Variants in BAG2 observed in about 807,000 individuals in gnomAD.
BAG2 encodes the protein BAG cochaperone 2, also known as BAG family molecular chaperone regulator 2.
BAG2 carries 8 observed loss-of-function variants against 16.4 expected under a neutral mutation model. That is an observed-to-expected ratio of 0.49 (90% CI 0.29 to 0.88). The LOEUF (loss-of-function observed/expected upper bound fraction) is 0.88, where lower values mean the gene tolerates loss of function less well. Ranked by LOEUF, BAG2 falls within the 40% of genes least tolerant of loss-of-function variation. The pLI is 0.09. For missense variants in BAG2, 218 were observed against 248.9 expected (o/e 0.88, Z 0.84); for synonymous variants, 82 against 89.2 (o/e 0.92, Z 0.46).
chr6:57,172,823 C>A lies in BAG2; in HGVS notation c.113+13C>A. On this transcript the variant is annotated intron_variant, in intron 1 of 2. Transcript: ENST00000370693. ...AGCTGGAGCTCAGGTGAGCTCCGGG[C>A]GGGCGGTCTCGGGCGTTCTGCTCGC... 1 of 1,477,692 alleles carries A rather than the reference C, an allele frequency of 6.8e-7. No homozygotes were observed. The highest frequency in any genetic ancestry group is 9.0e-7 in the Non-Finnish European group (1 of 1,111,612). The allele number at this position is 1,477,692 out of a possible 1,614,324, so 91.5% of individuals were successfully genotyped here. A position where few individuals can be genotyped will look rare whatever the true frequency, so the allele number is the denominator to read the frequency against.
Position 57,183,649 on chromosome 6 carries a change from T to C in BAG2, c.224-129T>C, listed in dbSNP as rs941498545. ...ATACATTTCATCAGTTAATCTTACA[T>C]GCTATAGTTTCAGCTTTTATCTCTA... On this transcript the variant is annotated intron_variant, in intron 2 of 2. Transcript: ENST00000370693. 1.1e-5 allele frequency: 8 copies of C among 710,314 alleles called. No individual in the cohort carries two copies. The East Asian group carries it at 2.2e-4, about 20-fold the overall frequency. 44.0% of individuals were successfully genotyped at this position (710,314 alleles called of 1,614,324 possible). A position where few individuals can be genotyped will look rare whatever the true frequency, so the allele number is the denominator to read the frequency against.
At chr6:57,173,474 C>T (rs1764189207) in intron 1 of BAG2, 10 of 985,340 alleles carry the variant, frequency 1.0e-5, no homozygotes, top group Non-Finnish European at 1.2e-5. Flanking sequence ...ATTTATTGGG[C>T]ACCTCCCTAC....
rs1764463867 is a variant in BAG2, at chr6:57,182,036, G to A, written c.118G>A (p.Glu40Lys). The A allele has an allele frequency of 6.2e-7, 1 of 1,613,778 alleles. No individual in the cohort carries two copies. Among genetic ancestry groups the A allele is most frequent in the Admixed American group, 1.7e-5 (1 of 59,996 alleles). Reference protein sequence around the residue: ...ESLDQLELRVEALREAATAVE... With the variant: ...ESLDQLELRVKALREAATAVE... ...TTGTTTTCCCAATTTCTATAGGGTT[G>A]AAGCTTTGAGAGAAGCAGCAACTGC... The change falls in exon 2 of 3, where the codon GAA (glutamate) becomes AAA (lysine). Residue 40 changes from glutamate (E) to lysine (K), a missense_variant. Transcript: ENST00000370693.
At chr6:57,182,530 CAAAA>C (rs758049333) in intron 2 of BAG2, among the ~76,000 whole-genome samples, 3 of 41,604 alleles carry the variant, frequency 7.2e-5, no homozygotes, top group South Asian at 7.7e-4. Flanking sequence ...AAGTAGAGAC[CAAAA>C]AAAAAAAAAA....
chr6:57,184,300 T>C lies in BAG2; in HGVS notation c.*110T>C, dbSNP rs1161448342. ...GGTATAACCACTTAGTTGACACTGA[T>C]AGTTGTTTCAGATGAGGAAAATATT... On this transcript the variant is annotated 3_prime_UTR_variant, in exon 3 of 3. Coordinates refer to ENST00000370693, the MANE Select transcript of BAG2 (RefSeq NM_004282.4). The C allele has an allele frequency of 4.7e-6, 5 of 1,053,450 alleles. No individual in the cohort carries two copies. Among genetic ancestry groups the C allele is most frequent in the Non-Finnish European group, 6.3e-6 (5 of 799,054 alleles). The allele number at this position is 1,053,450 out of a possible 1,614,324, so 65.3% of individuals were successfully genotyped here. A position where few individuals can be genotyped will look rare whatever the true frequency, so the allele number is the denominator to read the frequency against.
chr6:57,178,145 G>A (rs1764337962), intron 1 of BAG2, among the ~76,000 whole-genome samples: 1 of 152,198 alleles, frequency 6.6e-6, no homozygotes, highest in Non-Finnish European at 1.5e-5. Context: ...GTTGCCAGAT[G>A]AGATATTAAG....
chr6:57,172,884 G>A, intron 1 of BAG2, 74 bp downstream of exon 1: 1 of 1,263,020 alleles, frequency 7.9e-7, no homozygotes, highest in Non-Finnish European at 1.0e-6. Flanking sequence ...GCGGACGGAG[G>A]CCGCGTGTGG....
rs990864584 is a variant in BAG2, at chr6:57,173,532, T to C, written c.113+722T>C. On this transcript the variant is annotated intron_variant, in intron 1 of 2. Coordinates refer to ENST00000370693, the MANE Select transcript of BAG2 (RefSeq NM_004282.4). ...CTGGCCTGAAAGCATGAAAAGATAG[T>C]TTTCCCCTTTTCTTGCTTAAGAATT... The C allele has an allele frequency of 3.4e-5, 33 of 965,658 alleles. No homozygotes were observed. In the Admixed American group the frequency reaches 2.0e-3, roughly 59 times the overall value. The allele number at this position is 965,658 out of a possible 1,614,324, so 59.8% of individuals were successfully genotyped here.
Position 57,188,360 on chromosome 6 carries a change from T to C in BAG2, c.*4170T>C, listed in dbSNP as rs996073996. 1 of 152,098 alleles carries C rather than the reference T, an allele frequency of 6.6e-6. No homozygotes were observed. The highest frequency in any genetic ancestry group is 1.5e-5 in the Non-Finnish European group (1 of 67,990). The allele number at this position is 152,098 out of a possible 1,614,324, so 9.4% of individuals were successfully genotyped here. ...AACAAAGCTCTCTCTTCAGTTCTTA[T>C]TTAAAAAAAGATAAAACTAGGTACA... On this transcript the variant is annotated 3_prime_UTR_variant, in exon 3 of 3. Transcript: ENST00000370693.
In BAG2 at chr6:57,184,215, C is replaced by T. The variant is rs1764556392; in HGVS notation, c.*25C>T. ...GTCTTCAAACCTAAGAGCATTTACA[C>T]AATACACAAGGTGTAAAAATGATAA... On this transcript the variant is annotated 3_prime_UTR_variant, in exon 3 of 3. Coordinates refer to ENST00000370693, the MANE Select transcript of BAG2 (RefSeq NM_004282.4). 1.3e-6 allele frequency: 2 copies of T among 1,511,274 alleles called. No homozygotes were observed. The highest frequency in any genetic ancestry group is 2.4e-5 in the Admixed American group (1 of 40,966). The allele number at this position is 1,511,274 out of a possible 1,614,324, so 93.6% of individuals were successfully genotyped here. A position where few individuals can be genotyped will look rare whatever the true frequency, so the allele number is the denominator to read the frequency against.
In BAG2 at chr6:57,188,794, A is replaced by AT. The variant is rs1002265002; in HGVS notation, c.*4612dup. 1.8e-4 allele frequency: 28 copies of AT among 152,080 alleles called. No individual in the cohort carries two copies. The highest frequency in any genetic ancestry group is 6.5e-4 in the African/African-American group (27 of 41,406). The allele number at this position is 152,080 out of a possible 1,614,324, so 9.4% of individuals were successfully genotyped here. On this transcript the variant is annotated 3_prime_UTR_variant, in exon 3 of 3. Transcript: ENST00000370693. ...ATGAAAAGCAAAAATTTACTTTTTA[A>AT]TTTTTTTTATTTTTCCATCTAAAAT...
In BAG2 at chr6:57,173,097, G is replaced by C. The variant is rs906990081; in HGVS notation, c.113+287G>C. The C allele has an allele frequency of 3.9e-6, 4 of 1,035,920 alleles. No homozygotes were observed. The African/African-American group carries it at 6.7e-5, about 17-fold the overall frequency. 64.2% of individuals were successfully genotyped at this position (1,035,920 alleles called of 1,614,324 possible). A position where few individuals can be genotyped will look rare whatever the true frequency, so the allele number is the denominator to read the frequency against. ...TAATTTACCTAGGTGTTAGGGAGCG[G>C]AAAAAAATCAGAGGAGATAAAAGTT... On this transcript the variant is annotated intron_variant, in intron 1 of 2. Coordinates refer to ENST00000370693, the MANE Select transcript of BAG2 (RefSeq NM_004282.4).
chr6:57,180,185 A>G (rs1369174242), intron 1 of BAG2, among the ~76,000 whole-genome samples: 1 of 152,222 alleles, frequency 6.6e-6, no homozygotes, highest in Non-Finnish European at 1.5e-5. Context: ...AATATCCACG[A>G]AGACTACTAT....
In BAG2 at chr6:57,188,240, A is replaced by T. The variant is rs1744617279; in HGVS notation, c.*4050A>T. On this transcript the variant is annotated 3_prime_UTR_variant, in exon 3 of 3. Transcript: ENST00000370693. ...TAAGAATTGATTAAATTGAGAAATT[A>T]ACATGGCTGACTTTCAGGCCTACTT... 1 of 152,200 alleles carries T rather than the reference A, an allele frequency of 6.6e-6. No individual in the cohort carries two copies. 9.4% of individuals were successfully genotyped at this position (152,200 alleles called of 1,614,324 possible). A position where few individuals can be genotyped will look rare whatever the true frequency, so the allele number is the denominator to read the frequency against.
intron 2 of BAG2, among the ~76,000 whole-genome samples, chr6:57,183,091 G>A (rs1764513369): frequency 1.3e-5 from 2 of 152,218 alleles, no homozygotes; most frequent in African/African-American, 2.4e-5. Flanking sequence ...GGTGAGGTAA[G>A]TAAGCAACCT....
chr6:57,174,814 T>G (rs563521727), intron 1 of BAG2, among the ~76,000 whole-genome samples: 1 of 152,216 alleles, frequency 6.6e-6, no homozygotes, highest in African/African-American at 2.4e-5. Context: ...GAAACTCATA[T>G]GTAATTTTGC....
In BAG2 at chr6:57,188,738, G is replaced by GAAAT. The variant is rs1382612685; in HGVS notation, c.*4550_*4553dup. 1 of 152,060 alleles carries GAAAT rather than the reference G, an allele frequency of 6.6e-6. No individual in the cohort carries two copies. The highest frequency in any genetic ancestry group is 2.4e-5 in the African/African-American group (1 of 41,404). The allele number at this position is 152,060 out of a possible 1,614,324, so 9.4% of individuals were successfully genotyped here. On this transcript the variant is annotated 3_prime_UTR_variant, in exon 3 of 3. Coordinates refer to ENST00000370693, the MANE Select transcript of BAG2 (RefSeq NM_004282.4). ...AAAAATAAGCATTTTACATTACTGT[G>GAAAT]AAATAGATAATGCCAGATCATTTCA...
Position 57,180,122 on chromosome 6 carries a change from C to T in BAG2, c.114-1910C>T, listed in dbSNP as rs113358831. On this transcript the variant is annotated intron_variant, in intron 1 of 2. Transcript: ENST00000370693. Reference sequence around the variant, plus strand: ...TGACAAGATAAACCTACAAAAACAGCACTTCTCAAACCAGTAAAAATCAAG... The same window carrying T: ...TGACAAGATAAACCTACAAAAACAGTACTTCTCAAACCAGTAAAAATCAAG... Among the ~76,000 whole-genome samples, 106 of 152,190 alleles carry T rather than the reference C, an allele frequency of 7.0e-4. 2 individuals carry two copies. The highest frequency in any genetic ancestry group is 2.2e-3 in the African/African-American group (93 of 41,536).
chr6:57,184,388 G>C lies in BAG2; in HGVS notation c.*198G>C. 2.3e-6 allele frequency: 1 copy of C among 428,568 alleles called. No individual in the cohort carries two copies. Among genetic ancestry groups the C allele is most frequent in the Non-Finnish European group, 4.0e-6 (1 of 253,144 alleles). 26.5% of individuals were successfully genotyped at this position (428,568 alleles called of 1,614,324 possible). A position where few individuals can be genotyped will look rare whatever the true frequency, so the allele number is the denominator to read the frequency against. ...GCAATATTTTAATTATCTATCTAGA[G>C]ATTTTTTAGATTGAATTCTTGTCTT... On this transcript the variant is annotated 3_prime_UTR_variant, in exon 3 of 3. Transcript: ENST00000370693.
Sources: allele counts gnomAD v4.1 joint callset (sites outside exome capture counted in the v4.1 genomes callset), GRCh38; gene constraint gnomAD v4.1.1; transcripts MANE v1.5; gene names NCBI Gene and HGNC (gene_info 2026-07-23, HGNC 2026-07-21).